PCSK5: variants seen among roughly 807,000 people sequenced by gnomAD.
PCSK5 encodes the protein prohormone convertase 5.
Under a neutral mutation model 233.2 loss-of-function variants are expected in PCSK5, and 129 were observed. The ratio of observed to expected loss-of-function variants is 0.55; its 90% CI spans 0.48 to 0.64. The LOEUF is 0.64. Among genes scored for constraint, PCSK5 ranks in the 30% least tolerant of loss-of-function variants. The probability of loss-of-function intolerance (pLI) is 0.00; values close to 1 mark genes in which losing one functional copy is unlikely to be tolerated. For missense variants in PCSK5, 2,076 were observed against 2,430.1 expected, an observed-to-expected ratio of 0.85 and a Z score of 3.06; for synonymous variants, 825 against 879.2, an observed-to-expected ratio of 0.94 and a Z score of 1.09.
chr9:76,271,071 T>C (rs1354287598), intron 24 of PCSK5, among the ~76,000 whole-genome samples: 1 of 152,122 alleles, frequency 6.6e-6, no homozygotes, highest in Non-Finnish European at 1.5e-5. Flanking sequence ...ATCCAAATAC[T>C]GCACCGTTCA....
rs544378157 is a variant in PCSK5, at chr9:75,933,493, C to A, written c.297+1010C>A. ...GCGCATAGCAATCTCAGCTAGATAT[C>A]CTCGAAAGTTATATTCCTTATAAAG... On this transcript the variant is annotated intron_variant, in intron 2 of 37. Transcript: ENST00000674117. Among the ~76,000 whole-genome samples the A allele has an allele frequency of 3.3e-5, 5 of 152,266 alleles. No individual in the cohort carries two copies. In the South Asian group the frequency reaches 1.0e-3, roughly 32 times the overall value.
chr9:75,891,615 C>T (rs987976610), intron 1 of PCSK5, among the ~76,000 whole-genome samples: 8 of 151,984 alleles, frequency 5.3e-5, no homozygotes. Flanking sequence ...CCAAGCCACG[C>T]GGGACTGGTA....
At chr9:76,136,951 C>A (rs1823008846) in intron 10 of PCSK5, among the ~76,000 whole-genome samples, 1 of 152,070 alleles carries the variant, frequency 6.6e-6, no homozygotes, top group African/African-American at 2.4e-5. Context: ...ATAGTCTCTA[C>A]CAAAACCCTA....
intron 24 of PCSK5, among the ~76,000 whole-genome samples, chr9:76,288,788 G>A (rs62565665): frequency 0.048 from 7,361 of 152,224 alleles, 234 homozygotes; most frequent in Middle Eastern, 0.088. Context: ...ATGGGACACC[G>A]AGTTTATGTA....
At chr9:76,270,591 G>A (rs1035104540) in intron 24 of PCSK5, among the ~76,000 whole-genome samples, 2 of 152,078 alleles carry the variant, frequency 1.3e-5, no homozygotes, top group Non-Finnish European at 2.9e-5. Context: ...CCCCTTCTGT[G>A]GGGGATGGAG....
intron 24 of PCSK5, 150 bp downstream of exon 24, chr9:76,240,834 CA>C (rs1826408060): frequency 6.4e-6 from 4 of 624,770 alleles, no homozygotes; most frequent in Non-Finnish European, 1.2e-5. Flanking sequence ...TTCTTCAATA[CA>C]AACAGGATCA....
At chr9:75,921,312 G>T (rs1336140572) in intron 1 of PCSK5, among the ~76,000 whole-genome samples, 1 of 152,172 alleles carries the variant, frequency 6.6e-6, no homozygotes, top group South Asian at 2.1e-4. Context: ...TTCGGCATTA[G>T]TACTTTTTAA....
At chr9:76,109,896 G>C (rs1448576811) in intron 9 of PCSK5, among the ~76,000 whole-genome samples, 1 of 152,170 alleles carries the variant, frequency 6.6e-6, no homozygotes, top group Non-Finnish European at 1.5e-5. Flanking sequence ...TAAGCATCGG[G>C]CCTCCAGCTT....
Position 75,905,105 on chromosome 9 carries a change from A to G in PCSK5, c.192+13732A>G, listed in dbSNP as rs1370511459. On this transcript the variant is annotated intron_variant, in intron 1 of 37. Transcript: ENST00000674117. ...TAAAATGTCCGGATTTAGCAAATCT[A>G]TAGAGACAGAGGGTAGATTTGTGGT... Among the ~76,000 whole-genome samples, 5 of 152,220 alleles carry G rather than the reference A, an allele frequency of 3.3e-5. No homozygotes were observed. In the South Asian group the frequency reaches 6.2e-4, roughly 19 times the overall value.
chr9:76,344,317 T>C (rs1290633911), intron 35 of PCSK5, among the ~76,000 whole-genome samples: 2 of 130,932 alleles, frequency 1.5e-5, no homozygotes, highest in African/African-American at 5.6e-5. Flanking sequence ...GAACCCCATC[T>C]GATGCCTCTC....
chr9:75,971,505 C>T (rs1825814154), intron 2 of PCSK5, among the ~76,000 whole-genome samples: 1 of 152,180 alleles, frequency 6.6e-6, no homozygotes, highest in Non-Finnish European at 1.5e-5. Flanking sequence ...TGAGGAATTG[C>T]TACACTGTCT....
At chr9:76,174,270 C>G (rs1823471358) in intron 13 of PCSK5, among the ~76,000 whole-genome samples, 1 of 151,662 alleles carries the variant, frequency 6.6e-6, no homozygotes. Context: ...AAGAGTTGTT[C>G]TGTCTACTTA....
At chr9:76,009,982 A>G in intron 3 of PCSK5, among the ~76,000 whole-genome samples, 1 of 151,650 alleles carries the variant, frequency 6.6e-6, no homozygotes, top group East Asian at 1.9e-4. Flanking sequence ...CCAGGCCTGA[A>G]GAAAGAGGTA....
At chr9:76,022,063 G>A (rs750264902) in intron 3 of PCSK5, among the ~76,000 whole-genome samples, 1 of 152,092 alleles carries the variant, frequency 6.6e-6, no homozygotes, top group Admixed American at 6.5e-5. Flanking sequence ...CACATTTCAC[G>A]TTTGCAGAGA....
chr9:75,969,853 T>C (rs1424827214), intron 2 of PCSK5, among the ~76,000 whole-genome samples: 1 of 151,810 alleles, frequency 6.6e-6, no homozygotes, highest in African/African-American at 2.4e-5. Context: ...AAACACGGGT[T>C]CCTTGGACTC....
chr9:75,989,200 A>C (rs1377675099), intron 3 of PCSK5, among the ~76,000 whole-genome samples: 1 of 152,178 alleles, frequency 6.6e-6, no homozygotes, highest in East Asian at 1.9e-4. Context: ...TGAATCAGTC[A>C]AACTCTCCTC....
At chr9:76,302,329 A>C in intron 28 of PCSK5, 112 bp downstream of exon 28, 1 of 402,078 alleles carries the variant, frequency 2.5e-6, no homozygotes, top group Non-Finnish European at 4.7e-6. Context: ...AATGGGGTGC[A>C]GAGATGCAGA....
intron 30 of PCSK5, among the ~76,000 whole-genome samples, chr9:76,318,387 T>C (rs1228822632): frequency 1.3e-5 from 2 of 151,704 alleles, no homozygotes; most frequent in African/African-American, 4.8e-5. Flanking sequence ...AGTTGATGGG[T>C]GCAGCAAACC....
intron 2 of PCSK5, among the ~76,000 whole-genome samples, chr9:75,950,153 CGG>C (rs1162749995): frequency 3.6e-5 from 2 of 55,200 alleles, no homozygotes; most frequent in African/African-American, 7.4e-5. Flanking sequence ...GTGGGGGGGG[CGG>C]GGAGGGGGGA....
Sources: gnomAD v4.1 joint callset for allele counts (sites outside exome capture counted in the v4.1 genomes callset) on GRCh38, gnomAD v4.1.1 for gene constraint, MANE v1.5 for transcripts, NCBI Gene and HGNC (gene_info 2026-07-23, HGNC 2026-07-21) for gene names.